Variants in EDEM3 observed in about 807,000 individuals in gnomAD.
The protein encoded by EDEM3 is ER degradation enhancing alpha-mannosidase like protein 3, also known as ER degradation-enhancing alpha-mannosidase-like protein 3.
A neutral mutation model predicts 110.2 loss-of-function variants in EDEM3; 60 were observed. The observed-to-expected ratio is 0.54, with a 90% CI of 0.44 to 0.67. The LOEUF is 0.67. EDEM3 is among the 30% of genes least tolerant of loss of function. The pLI is 0.00. For missense variants in EDEM3, 996 were observed against 1,121.0 expected (o/e 0.89, Z 1.59); for synonymous variants, 352 against 382.9 (o/e 0.92, Z 0.94).
At chr1:184,747,177 A>G (rs1052069441) in intron 2 of EDEM3, among the ~76,000 whole-genome samples, 4 of 152,158 alleles carry the variant, frequency 2.6e-5, no homozygotes, top group Non-Finnish European at 5.9e-5. Context: ...TTAAAAAAAA[A>G]TCTATAGTCT....
intron 2 of EDEM3, among the ~76,000 whole-genome samples, chr1:184,746,337 T>C (rs541165561): frequency 1.2e-4 from 19 of 152,368 alleles, no homozygotes; most frequent in Admixed American, 3.9e-4. Flanking sequence ...AAAGAATGTA[T>C]GCGCTTTAAG....
intron 1 of EDEM3, among the ~76,000 whole-genome samples, chr1:184,753,146 C>G (rs1343573693): frequency 6.6e-6 from 1 of 152,028 alleles, no homozygotes; most frequent in Non-Finnish European, 1.5e-5. Flanking sequence ...GTTCCACCAC[C>G]CCTCCAGCCT....
chr1:184,723,663 C>T, intron 8 of EDEM3, 88 bp downstream of exon 8: 1 of 1,076,530 alleles, frequency 9.3e-7, no homozygotes, highest in Non-Finnish European at 1.4e-6. Flanking sequence ...TATAGTATCC[C>T]AAAGATTATT....
chr1:184,735,591 C>T (rs533709102), intron 4 of EDEM3, among the ~76,000 whole-genome samples: 10 of 152,126 alleles, frequency 6.6e-5, no homozygotes, highest in Non-Finnish European at 1.0e-4. Flanking sequence ...TGATTTGATA[C>T]GTAAAAATTC....
At chr1:184,729,269 A>G (rs1017680718) in intron 6 of EDEM3, among the ~76,000 whole-genome samples, 1 of 152,218 alleles carries the variant, frequency 6.6e-6, no homozygotes, top group Non-Finnish European at 1.5e-5. Flanking sequence ...AGGCAATTTT[A>G]AAAAGGACAC....
intron 19 of EDEM3, among the ~76,000 whole-genome samples, chr1:184,701,140 C>A (rs1038064802): frequency 1.3e-5 from 2 of 151,898 alleles, no homozygotes; most frequent in African/African-American, 2.4e-5. Flanking sequence ...TAGTCCTAAC[C>A]CATGTACCAT....
chr1:184,751,316 T>C (rs1459858607), intron 1 of EDEM3, among the ~76,000 whole-genome samples: 1 of 152,040 alleles, frequency 6.6e-6, no homozygotes, highest in African/African-American at 2.4e-5. Context: ...TTTCCTTCCC[T>C]GAAATGGAAT....
chr1:184,750,761 C>T (rs1652719259), intron 1 of EDEM3, among the ~76,000 whole-genome samples: 1 of 152,110 alleles, frequency 6.6e-6, no homozygotes, highest in African/African-American at 2.4e-5. Context: ...GATCCACCCG[C>T]CTCAGCCTCC....
chr1:184,741,117 G>A (rs1449261090), intron 2 of EDEM3, among the ~76,000 whole-genome samples: 2 of 152,250 alleles, frequency 1.3e-5, no homozygotes, highest in Admixed American at 1.3e-4. Context: ...TAATAATAAG[G>A]CCAGGTGTGG....
At chr1:184,694,765 G>A (rs969757117) in intron 19 of EDEM3, among the ~76,000 whole-genome samples, 1 of 151,940 alleles carries the variant, frequency 6.6e-6, no homozygotes, top group African/African-American at 2.4e-5. Context: ...CAAGAAGTAC[G>A]CTAACCAATA....
At position 184,737,090 on chromosome 1, in the gene EDEM3, TA is replaced by T. The variant is rs1651869751; in HGVS notation, c.306-27del. The T allele has an allele frequency of 2.5e-6, 4 of 1,588,366 alleles. No individual in the cohort carries two copies. In the East Asian group the frequency reaches 9.0e-5, roughly 36 times the overall value. On this transcript the variant is annotated intron_variant, in intron 3 of 19. Coordinates refer to ENST00000318130, the MANE Select transcript of EDEM3 (RefSeq NM_025191.4). The stretch of plus-strand genomic sequence containing the variant: ...CTAAGAAACAAGCGTTAACAAGATA[TA>T]AAACATTAGAATCCTAAATAGTTTA...
chr1:184,725,609 T>C (rs964654051), intron 7 of EDEM3, among the ~76,000 whole-genome samples: 1 of 151,878 alleles, frequency 6.6e-6, no homozygotes, highest in African/African-American at 2.4e-5. Flanking sequence ...TCCCTATTTC[T>C]GCTTGTTCTG....
At position 184,751,378 on chromosome 1, in the gene EDEM3, C is replaced by T. The variant is rs903335280; in HGVS notation, c.159-1786G>A. On this transcript the variant is annotated intron_variant, in intron 1 of 19. Transcript: ENST00000318130. Reference sequence around the variant, plus strand: ...TTCCTATAATTGGCAATGGTAGTGCCTAGACATGTATATTACAAATGACAT... The same window carrying T: ...TTCCTATAATTGGCAATGGTAGTGCTTAGACATGTATATTACAAATGACAT... 3.3e-5 allele frequency among the ~76,000 whole-genome samples: 5 copies of T among 151,980 alleles called. No individual in the cohort carries two copies. In the East Asian group the frequency reaches 7.7e-4, roughly 23 times the overall value.
At chr1:184,743,727 T>C (rs543782931) in intron 2 of EDEM3, among the ~76,000 whole-genome samples, 11 of 152,124 alleles carry the variant, frequency 7.2e-5, no homozygotes, top group Non-Finnish European at 1.6e-4. Context: ...GTGATATTTG[T>C]ATAAGGGTAG....
intron 8 of EDEM3, among the ~76,000 whole-genome samples, chr1:184,723,503 C>T (rs1053614968): frequency 2.6e-5 from 4 of 151,356 alleles, no homozygotes; most frequent in Admixed American, 6.6e-5. Context: ...TAAATTATAG[C>T]GTTTCATCTA....
At chr1:184,716,819 A>G (rs2102081088) in intron 13 of EDEM3, 69 bp downstream of exon 13, 2 of 1,576,468 alleles carry the variant, frequency 1.3e-6, no homozygotes, top group South Asian at 2.4e-5. Flanking sequence ...TTTGAATCCT[A>G]AATGGTAGCT....
chr1:184,714,980 T>G (rs1032135664), intron 13 of EDEM3, among the ~76,000 whole-genome samples: 1 of 152,138 alleles, frequency 6.6e-6, no homozygotes, highest in African/African-American at 2.4e-5. Flanking sequence ...TGGTAGTTCT[T>G]AACCTTTCAT....
intron 15 of EDEM3, 104 bp downstream of exon 15, chr1:184,711,619 C>T (rs1368468090): frequency 2.1e-5 from 21 of 1,022,132 alleles, no homozygotes; most frequent in Middle Eastern, 2.7e-4. Flanking sequence ...ACATTTTCGG[C>T]CTATGTGAAT....
At chr1:184,752,132 AAACAT>A (rs1420242836) in intron 1 of EDEM3, among the ~76,000 whole-genome samples, 7 of 152,232 alleles carry the variant, frequency 4.6e-5, no homozygotes, top group Non-Finnish European at 1.0e-4. Context: ...TTTTTAATGA[AAACAT>A]AACATTAACA....
Sources: gnomAD v4.1 joint callset for allele counts (sites outside exome capture counted in the v4.1 genomes callset) on GRCh38, gnomAD v4.1.1 for gene constraint, MANE v1.5 for transcripts, NCBI Gene and HGNC (gene_info 2026-07-23, HGNC 2026-07-21) for gene names.